The following CC2D2A variants were observed in gnomAD, a reference collection of about 807,000 sequenced individuals.
CC2D2A encodes the protein coiled-coil and C2 domain-containing protein 2A.
CC2D2A carries 155 observed loss-of-function variants against 212.9 expected under a neutral mutation model. The ratio of observed to expected loss-of-function variants is 0.73; its 90% CI spans 0.64 to 0.83. The LOEUF is 0.83. Ranked by LOEUF, CC2D2A falls within the 40% of genes least tolerant of loss-of-function variation. The probability of loss-of-function intolerance (pLI) is 0.00; values close to 1 mark genes in which losing one functional copy is unlikely to be tolerated. For synonymous variants in CC2D2A, 667 were observed against 686.5 expected (o/e 0.97, Z 0.44); for missense variants, 1,856 against 1,956.2 (o/e 0.95, Z 0.97).
intron 16 of CC2D2A, among the ~76,000 whole-genome samples, chr4:15,539,473 G>A (rs1046790987): frequency 5.3e-5 from 8 of 152,194 alleles, no homozygotes; most frequent in East Asian, 1.9e-4. Flanking sequence ...TCATTAAAAC[G>A]TGGGAGTTAA....
chr4:15,534,791 A>G (rs892587813), intron 14 of CC2D2A, among the ~76,000 whole-genome samples: 4 of 152,170 alleles, frequency 2.6e-5, no homozygotes, highest in Admixed American at 1.3e-4. Context: ...CAGGACAAGT[A>G]TAAGACTGTG....
chr4:15,499,324 G>A (rs866479666), intron 4 of CC2D2A, among the ~76,000 whole-genome samples: 1 of 152,138 alleles, frequency 6.6e-6, no homozygotes, highest in African/African-American at 2.4e-5. Context: ...CTCTGGTGGT[G>A]GGTGCAATCA....
chr4:15,516,944 CTTTTT>C (rs397992357), intron 11 of CC2D2A, among the ~76,000 whole-genome samples, 188 bp downstream of exon 11: 5 of 95,790 alleles, frequency 5.2e-5, no homozygotes, highest in Admixed American at 1.3e-4. Context: ...TGCATCCCTT[CTTTTT>C]TTTTTTTTTT....
chr4:15,585,061 C>T (rs888505965), intron 30 of CC2D2A, among the ~76,000 whole-genome samples: 2 of 152,118 alleles, frequency 1.3e-5, no homozygotes, highest in South Asian at 2.1e-4. Context: ...TAAATTAATA[C>T]AGCCAATATT....
At chr4:15,594,112 C>G (rs909403553) in intron 33 of CC2D2A, among the ~76,000 whole-genome samples, 1 of 152,064 alleles carries the variant, frequency 6.6e-6, no homozygotes, top group African/African-American at 2.4e-5. Flanking sequence ...ACTTCATATT[C>G]CTTGCTGTTC....
In CC2D2A at chr4:15,515,946, C is replaced by T; in HGVS notation, c.959C>T (p.Pro320Leu). The T allele has an allele frequency of 6.4e-7, 1 of 1,574,596 alleles. No individual in the cohort carries two copies. The change falls in exon 10 of 37, where the codon CCA (proline) becomes CTA (leucine). Residue 320 changes from proline (P) to leucine (L), a missense_variant. Pro to Leu is a moderately conservative substitution (Grantham distance 98, BLOSUM62 -3). This residue lies in a region of CC2D2A where 1,512 missense variants were observed against 1,579.3 expected (regional missense o/e 0.96). Coordinates refer to ENST00000424120, the MANE Select transcript of CC2D2A (RefSeq NM_001378615.1). ...GAAGGCCTTTACACCGGGGTAAGAC[C>T]AGAGGTGGCACGCACCAATCAGAAC... is the stretch of plus-strand genomic sequence containing the variant. ...EDEGLYTGVRPEVARTNQNIM... is the reference protein window; with the variant it reads ...EDEGLYTGVRLEVARTNQNIM...
chr4:15,470,685 CTCTCTATATATATATATATATATA>C (rs1375121500), intron 1 of CC2D2A, among the ~76,000 whole-genome samples: 773 of 40,410 alleles, frequency 0.019, 2 homozygotes, highest in Non-Finnish European at 0.026. Flanking sequence ...CTCTCTCTCT[CTCTCTATATATATATATATATATA>C]TATATATATA....
intron 19 of CC2D2A, 70 bp downstream of exon 19, chr4:15,553,375 A>C: frequency 6.7e-7 from 1 of 1,501,528 alleles, no homozygotes; most frequent in Non-Finnish European, 9.1e-7. Flanking sequence ...AGGGGAAAGA[A>C]AGCTTGCAGT....
At chr4:15,527,791 T>C in intron 12 of CC2D2A, 135 bp downstream of exon 12, 2 of 675,792 alleles carry the variant, frequency 3.0e-6, no homozygotes, top group Admixed American at 2.8e-5. Context: ...GTGTGATACA[T>C]TATCCAGCTA....
Position 15,599,759 on chromosome 4 carries a change from G to A in CC2D2A, c.4674+53G>A. On this transcript the variant is annotated intron_variant, in intron 36 of 36. Transcript: ENST00000424120. ...CTGTGGATTTCCTTGTTTCAAATTG[G>A]AAATTAGCCAATAATAGGTTTCTGG... 6 of 1,396,746 alleles carry A rather than the reference G, an allele frequency of 4.3e-6. No homozygotes were observed. In the South Asian group the frequency reaches 9.6e-5, roughly 22 times the overall value. 86.5% of individuals were successfully genotyped at this position (1,396,746 alleles called of 1,614,324 possible). A position where few individuals can be genotyped will look rare whatever the true frequency, so the allele number is the denominator to read the frequency against.
chr4:15,553,808 T>C (rs1476504275), intron 19 of CC2D2A, among the ~76,000 whole-genome samples: 1 of 152,232 alleles, frequency 6.6e-6, no homozygotes, highest in Non-Finnish European at 1.5e-5. Flanking sequence ...CTGTGTTTGA[T>C]GGTTGTCCCT....
chr4:15,480,865 C>A, intron 4 of CC2D2A, 38 bp downstream of exon 4: 1 of 1,597,462 alleles, frequency 6.3e-7, no homozygotes, highest in Non-Finnish European at 8.5e-7. Context: ...TGCTTGTTAA[C>A]TGCCTACTGT....
Position 15,586,271 on chromosome 4 carries a change from TA to T in CC2D2A, c.4065+26del. 1.2e-5 allele frequency: 17 copies of T among 1,441,848 alleles called. 1 individual carries two copies. The highest frequency in any genetic ancestry group is 1.5e-5 in the Non-Finnish European group (16 of 1,056,548). The allele number at this position is 1,441,848 out of a possible 1,614,324, so 89.3% of individuals were successfully genotyped here. A position where few individuals can be genotyped will look rare whatever the true frequency, so the allele number is the denominator to read the frequency against. On this transcript the variant is annotated intron_variant, in intron 31 of 36. Coordinates refer to ENST00000424120, the MANE Select transcript of CC2D2A (RefSeq NM_001378615.1). ...TGTAAGTAGTTCTTCTTCACAGATT[TA>T]GAAACTTGAGCTGACTTAATGAAAT... is the stretch of plus-strand genomic sequence containing the variant.
At chr4:15,563,649 C>T (rs536473500) in intron 24 of CC2D2A, 127 bp downstream of exon 24, 7 of 976,516 alleles carry the variant, frequency 7.2e-6, no homozygotes, top group Non-Finnish European at 1.1e-5. Flanking sequence ...AGGGTTCTTG[C>T]AAAGCCAAGG....
Position 15,478,749 on chromosome 4 carries a change from A to T in CC2D2A, c.66A>T (p.Ala22=). 6.4e-7 allele frequency: 1 copy of T among 1,555,068 alleles called. No homozygotes were observed. Among genetic ancestry groups the T allele is most frequent in the Non-Finnish European group, 8.7e-7 (1 of 1,148,864 alleles). ...AGTTCATTGAAAATGATGAGGATGC[A>T]GACATGGGAAGACAGAATAAGAACT... ...TEEFIENDED[A]DMGRQNKNSK... Residue 22 remains alanine (A), a synonymous_variant, in exon 3 of 37, where the codon GCA becomes GCT. Transcript: ENST00000424120.
chr4:15,514,773 G>A lies in CC2D2A; in HGVS notation c.784G>A (p.Asp262Asn), dbSNP rs758661538. 4.6e-5 allele frequency: 75 copies of A among 1,613,352 alleles called. 1 individual carries two copies. In the South Asian group the frequency reaches 8.0e-4, roughly 17 times the overall value. ...CCTATTGGGCTTAGATCACGTGGCTGACGATTTTGTAGCAGTCAGACCTGC... is the reference window on the plus strand; with the variant it reads ...CCTATTGGGCTTAGATCACGTGGCTAACGATTTTGTAGCAGTCAGACCTGC... ...DFLLGLDHVADDFVAVRPADY... is the reference protein window; with the variant it reads ...DFLLGLDHVANDFVAVRPADY... The change falls in exon 9 of 37, where the codon GAC (aspartate) becomes AAC (asparagine). Residue 262 changes from aspartate (D) to asparagine (N), a missense_variant. By Grantham distance (23) the Asp-to-Asn change is conservative. Transcript: ENST00000424120.
intron 9 of CC2D2A, 120 bp from the exon 10 acceptor site, chr4:15,515,748 T>G: frequency 2.0e-6 from 2 of 991,622 alleles, no homozygotes; most frequent in Non-Finnish European, 1.4e-6. Flanking sequence ...AAAATTAATT[T>G]GGAAAATTTG....
intron 28 of CC2D2A, among the ~76,000 whole-genome samples, chr4:15,572,658 G>A (rs139583703): frequency 1.3e-5 from 2 of 151,810 alleles, no homozygotes; most frequent in East Asian, 1.9e-4. Context: ...CTGTATTAGG[G>A]TTCTCTAAAC....
intron 33 of CC2D2A, among the ~76,000 whole-genome samples, chr4:15,594,122 C>G (rs962462729): frequency 1.3e-4 from 20 of 152,068 alleles, no homozygotes; most frequent in African/African-American, 4.6e-4. Flanking sequence ...CCTTGCTGTT[C>G]CTCAAACATA....
Sources: allele counts gnomAD v4.1 joint callset (sites outside exome capture counted in the v4.1 genomes callset), GRCh38; gene constraint gnomAD v4.1.1; regional missense constraint gnomAD v4.1.1; transcripts MANE v1.5; gene names NCBI Gene and HGNC (gene_info 2026-07-23, HGNC 2026-07-21).